The following FBXL20 variants were observed in gnomAD, a reference collection of about 807,000 sequenced individuals.
FBXL20 encodes F-box and leucine rich repeat protein 20, also known as F-box/LRR-repeat protein 20.
A neutral mutation model predicts 64.0 loss-of-function variants in FBXL20; 11 were observed. The ratio of observed to expected loss-of-function variants is 0.17; its 90% CI spans 0.11 to 0.28. The LOEUF (loss-of-function observed/expected upper bound fraction) is 0.28. FBXL20 is among the 10% of genes least tolerant of loss of function. FBXL20 has a pLI of 1.00. For synonymous variants in FBXL20, 184 were observed against 189.0 expected, an observed-to-expected ratio of 0.97 and a Z score of 0.22; for missense variants, 303 against 526.2, an observed-to-expected ratio of 0.58 and a Z score of 4.15.
chr17:39,363,827 C>CAA (rs1555612706), intron 1 of FBXL20, among the ~76,000 whole-genome samples: 1 of 78,008 alleles, frequency 1.3e-5, no homozygotes, highest in African/African-American at 5.4e-5. Context: ...AAAAAAAAAA[C>CAA]AAAAAACAAA....
intron 1 of FBXL20, among the ~76,000 whole-genome samples, chr17:39,389,367 CCTT>C (rs1191699129): frequency 2.6e-5 from 4 of 152,096 alleles, no homozygotes; most frequent in African/African-American, 4.8e-5. Context: ...TTTAATATGA[CCTT>C]CTTTTCTTTA....
chr17:39,266,059 T>C (rs955649003), intron 12 of FBXL20, among the ~76,000 whole-genome samples: 9 of 135,710 alleles, frequency 6.6e-5, no homozygotes, highest in Admixed American at 6.0e-4. Context: ...CCATACCTCA[T>C]TCATTCTTTT....
chr17:39,283,643 C>T (rs1404862142), intron 7 of FBXL20, among the ~76,000 whole-genome samples: 2 of 152,034 alleles, frequency 1.3e-5, no homozygotes, highest in Non-Finnish European at 2.9e-5. Flanking sequence ...GCCTTTTAAA[C>T]TTTTATTTTA....
chr17:39,316,387 T>C (rs1040163493), intron 2 of FBXL20, among the ~76,000 whole-genome samples: 2 of 151,962 alleles, frequency 1.3e-5, no homozygotes, highest in Non-Finnish European at 2.9e-5. Context: ...GCAATGGTAT[T>C]TAACTCCCAG....
intron 2 of FBXL20, 57 bp from the exon 3 acceptor site, chr17:39,303,696 AT>A: frequency 1.4e-6 from 2 of 1,474,434 alleles, no homozygotes; most frequent in Non-Finnish European, 1.9e-6. Context: ...GTTGACCTTT[AT>A]TTATTTTGAG....
chr17:39,354,929 T>C (rs555344163), intron 1 of FBXL20, among the ~76,000 whole-genome samples: 17 of 134,480 alleles, frequency 1.3e-4, no homozygotes, highest in Non-Finnish European at 2.8e-4. Context: ...CTTGGTTTTT[T>C]TGTTTGTTTG....
intron 2 of FBXL20, among the ~76,000 whole-genome samples, chr17:39,331,977 C>G (rs993716008): frequency 6.6e-6 from 1 of 152,164 alleles, no homozygotes; most frequent in Non-Finnish European, 1.5e-5. Flanking sequence ...AAAAGTAGAA[C>G]CAATGTAACA....
chr17:39,382,523 A>T (rs1334131078), intron 1 of FBXL20, among the ~76,000 whole-genome samples: 2 of 152,008 alleles, frequency 1.3e-5, no homozygotes, highest in African/African-American at 4.8e-5. Flanking sequence ...GCTTTATTAT[A>T]GATATGGCTT....
At chr17:39,323,095 G>A (rs1257097856) in intron 2 of FBXL20, among the ~76,000 whole-genome samples, 4 of 151,646 alleles carry the variant, frequency 2.6e-5, no homozygotes, top group African/African-American at 9.7e-5. Flanking sequence ...TCAGCCTCCC[G>A]AGTAGCTGAG....
At chr17:39,294,695 G>T (rs942348015) in intron 6 of FBXL20, among the ~76,000 whole-genome samples, 3 of 152,072 alleles carry the variant, frequency 2.0e-5, no homozygotes, top group South Asian at 2.1e-4. Flanking sequence ...TTAAGATATT[G>T]TTTTTAGAGG....
intron 1 of FBXL20, among the ~76,000 whole-genome samples, chr17:39,351,615 G>C (rs1479884315): frequency 3.3e-5 from 5 of 152,130 alleles, no homozygotes; most frequent in Non-Finnish European, 7.3e-5. Context: ...CAATATAACA[G>C]TTGTAGAGGA....
rs2046720715 is a variant in FBXL20, at chr17:39,258,981, T to C, written c.*2479A>G. 1 of 152,184 alleles carries C rather than the reference T, an allele frequency of 6.6e-6. No individual in the cohort carries two copies. The highest frequency in any genetic ancestry group is 1.5e-5 in the Non-Finnish European group (1 of 68,034). 9.4% of individuals were successfully genotyped at this position (152,184 alleles called of 1,614,324 possible). A position where few individuals can be genotyped will look rare whatever the true frequency, so the allele number is the denominator to read the frequency against. The stretch of plus-strand genomic sequence containing the variant: ...GAGAATAAGGGGAAAGGGGAATGAA[T>C]AAACAAGTAATCTGCGTTTTTAAAG... On this transcript the variant is annotated 3_prime_UTR_variant, in exon 15 of 15. Coordinates refer to ENST00000264658, the MANE Select transcript of FBXL20 (RefSeq NM_032875.3).
chr17:39,386,435 G>A (rs894909042), intron 1 of FBXL20, among the ~76,000 whole-genome samples: 22 of 152,066 alleles, frequency 1.4e-4, no homozygotes, highest in African/African-American at 5.1e-4. Context: ...TTCGAGACCA[G>A]CCTGAGCAAC....
At chr17:39,384,312 G>A (rs576417239) in intron 1 of FBXL20, among the ~76,000 whole-genome samples, 2 of 152,206 alleles carry the variant, frequency 1.3e-5, no homozygotes, top group East Asian at 3.9e-4. Flanking sequence ...CAGATCAGAA[G>A]GCTAAGAGTT....
intron 2 of FBXL20, among the ~76,000 whole-genome samples, chr17:39,317,516 C>T (rs888710472): frequency 6.6e-6 from 1 of 151,898 alleles, no homozygotes; most frequent in African/African-American, 2.4e-5. Context: ...AGGCGTGATC[C>T]ACCGTGTCCG....
At position 39,278,876 on chromosome 17, in the gene FBXL20, G is replaced by A. The variant is rs370365575; in HGVS notation, c.696+2513C>T. On this transcript the variant is annotated intron_variant, in intron 9 of 14. Coordinates refer to ENST00000264658, the MANE Select transcript of FBXL20 (RefSeq NM_032875.3). Reference sequence around the variant, plus strand: ...CAGTCTTAAAAATGAAATCATGGCCGGGTGCAGTGGCTCATGCCTGTAATC... The same window carrying A: ...CAGTCTTAAAAATGAAATCATGGCCAGGTGCAGTGGCTCATGCCTGTAATC... Among the ~76,000 whole-genome samples the A allele has an allele frequency of 1.1e-4, 16 of 151,862 alleles. No individual in the cohort carries two copies. The East Asian group carries it at 3.2e-3, about 30-fold the overall frequency.
At chr17:39,357,142 G>A (rs915871966) in intron 1 of FBXL20, among the ~76,000 whole-genome samples, 1 of 151,638 alleles carries the variant, frequency 6.6e-6, no homozygotes, top group Non-Finnish European at 1.5e-5. Context: ...GCGTGGTGCT[G>A]CATGTCTGTA....
At chr17:39,343,801 T>G (rs2144573527) in intron 1 of FBXL20, among the ~76,000 whole-genome samples, 1 of 151,982 alleles carries the variant, frequency 6.6e-6, no homozygotes, top group Admixed American at 6.6e-5. Context: ...GTTCAAGCGA[T>G]TCTCCTGCTT....
chr17:39,379,714 G>A (rs1262781775), intron 1 of FBXL20, among the ~76,000 whole-genome samples: 2 of 152,054 alleles, frequency 1.3e-5, no homozygotes, highest in Admixed American at 6.6e-5. Flanking sequence ...TCAGGAGTTT[G>A]AGCCTGCAGT....
Sources: gnomAD v4.1 joint callset for allele counts (sites outside exome capture counted in the v4.1 genomes callset) on GRCh38, gnomAD v4.1.1 for gene constraint, MANE v1.5 for transcripts, NCBI Gene and HGNC (gene_info 2026-07-23, HGNC 2026-07-21) for gene names.